The following CDC42BPB variants were observed in gnomAD, a reference collection of about 807,000 sequenced individuals.
CDC42BPB encodes the protein serine/threonine-protein kinase MRCK beta.
A neutral mutation model predicts 214.9 loss-of-function variants in CDC42BPB; 37 were observed. The observed-to-expected ratio is 0.17, with a 90% CI of 0.13 to 0.23. CDC42BPB has a LOEUF of 0.23. CDC42BPB is among the 10% of genes least tolerant of loss of function. CDC42BPB has a pLI of 1.00. For missense variants in CDC42BPB, 1,694 were observed against 2,227.0 expected (o/e 0.76, Z 4.82); for synonymous variants, 931 against 884.0 (o/e 1.05, Z -0.94).
At chr14:102,969,478 C>T (rs1893374637) in intron 14 of CDC42BPB, among the ~76,000 whole-genome samples, 1 of 152,190 alleles carries the variant, frequency 6.6e-6, no homozygotes, top group Admixed American at 6.6e-5. Flanking sequence ...CCTCGGGCAC[C>T]ACATGCCGAG....
At position 102,944,627 on chromosome 14, in the gene CDC42BPB, G is replaced by A. The variant is rs926464053; in HGVS notation, c.3812-140C>T. ...CTTCCTGTGTGCACAGCCTGAGCCC[G>A]GCCCTGAGCCCGTCTCTGCCCACAG... On this transcript the variant is annotated intron_variant, in intron 29 of 36. Coordinates refer to ENST00000361246, the MANE Select transcript of CDC42BPB (RefSeq NM_006035.4). The surrounding 1 kb of genome is among the most constrained non-coding windows in gnomAD (Gnocchi z 6.6). 3.2e-5 allele frequency: 47 copies of A among 1,449,976 alleles called. No homozygotes were observed. Among genetic ancestry groups the A allele is most frequent in the Middle Eastern group, 2.5e-4 (1 of 3,924 alleles). The allele number at this position is 1,449,976 out of a possible 1,614,324, so 89.8% of individuals were successfully genotyped here. A position where few individuals can be genotyped will look rare whatever the true frequency, so the allele number is the denominator to read the frequency against.
chr14:103,035,727 C>T (rs1307832205), intron 1 of CDC42BPB, among the ~76,000 whole-genome samples: 3 of 152,116 alleles, frequency 2.0e-5, no homozygotes, highest in Non-Finnish European at 4.4e-5. Context: ...GTAGTCCCAG[C>T]TGCTCAGGAG....
At chr14:103,021,187 G>A (rs556930144) in intron 1 of CDC42BPB, among the ~76,000 whole-genome samples, 58 of 152,344 alleles carry the variant, frequency 3.8e-4, no homozygotes, top group African/African-American at 1.3e-3. Context: ...GTGGCCGCGT[G>A]CAGTGGCTCA....
At chr14:102,971,171 G>A (rs1392126967) in intron 13 of CDC42BPB, among the ~76,000 whole-genome samples, 1 of 152,194 alleles carries the variant, frequency 6.6e-6, no homozygotes, top group Non-Finnish European at 1.5e-5. Flanking sequence ...AAACAGCCAT[G>A]AGAACTCAAC....
At chr14:102,999,223 G>A (rs1327188337) in intron 5 of CDC42BPB, among the ~76,000 whole-genome samples, 2 of 123,448 alleles carry the variant, frequency 1.6e-5, no homozygotes, top group Non-Finnish European at 3.5e-5. Flanking sequence ...TTGGGCGGTA[G>A]AGACAGAGGA....
intron 23 of CDC42BPB, 106 bp from the exon 24 acceptor site, chr14:102,952,709 A>G (rs1256008393): frequency 2.7e-6 from 4 of 1,496,152 alleles, no homozygotes; most frequent in African/African-American, 2.8e-5. Flanking sequence ...TATCCTGAAA[A>G]GGTGGAAATG....
intron 1 of CDC42BPB, among the ~76,000 whole-genome samples, chr14:103,047,414 C>T (rs890235952): frequency 2.0e-5 from 3 of 152,092 alleles, no homozygotes; most frequent in Non-Finnish European, 4.4e-5. Context: ...ACAAGAGTTC[C>T]CTGAAAGCTT....
At chr14:103,029,282 T>C (rs538802731) in intron 1 of CDC42BPB, among the ~76,000 whole-genome samples, 2 of 152,224 alleles carry the variant, frequency 1.3e-5, no homozygotes, top group South Asian at 4.1e-4. Flanking sequence ...TAAATTACGC[T>C]TGTAATCCCA....
chr14:103,040,701 G>A (rs1053245901), intron 1 of CDC42BPB, among the ~76,000 whole-genome samples: 5 of 151,960 alleles, frequency 3.3e-5, no homozygotes, highest in Admixed American at 2.0e-4. Flanking sequence ...CAGGTGATCC[G>A]CCCACCTCGG....
At chr14:102,957,640 C>CA (rs1341638002) in intron 21 of CDC42BPB, among the ~76,000 whole-genome samples, 1 of 152,216 alleles carries the variant, frequency 6.6e-6, no homozygotes, top group African/African-American at 2.4e-5. Flanking sequence ...ATAAAACAAA[C>CA]AAACATTTTG....
intron 16 of CDC42BPB, 118 bp downstream of exon 16, chr14:102,968,135 C>T (rs1893302902): frequency 3.0e-6 from 2 of 673,060 alleles, no homozygotes; most frequent in Non-Finnish European, 5.0e-6. Context: ...AGAATGACGA[C>T]ATTCTACTCC....
intron 11 of CDC42BPB, chr14:102,974,454 C>T: frequency 1.3e-6 from 1 of 744,508 alleles, no homozygotes; most frequent in Non-Finnish European, 1.6e-6. Context: ...GTCCCTCTAA[C>T]CTGTGTCACC....
rs183087030 is a variant in CDC42BPB at position 103,038,163 on chromosome 14, C to T, written c.175+18836G>A. ...CATCCTGGTCAACATGGCGAAACCC[C>T]GTCTCTACTAAAAATACAAAAATTA... On this transcript the variant is annotated intron_variant, in intron 1 of 36. Transcript: ENST00000361246. 2.7e-3 allele frequency among the ~76,000 whole-genome samples: 414 copies of T among 151,478 alleles called. 3 individuals are homozygous for T. Among genetic ancestry groups the T allele is most frequent in the African/African-American group, 9.8e-3 (406 of 41,300 alleles).
intron 1 of CDC42BPB, among the ~76,000 whole-genome samples, chr14:103,014,755 A>G (rs565963224): frequency 6.6e-6 from 1 of 152,304 alleles, no homozygotes; most frequent in Admixed American, 6.5e-5. Context: ...ATCAGGAAAC[A>G]GAACAAATGA....
At chr14:102,945,459 C>T in intron 29 of CDC42BPB, 1 of 580,844 alleles carries the variant, frequency 1.7e-6, no homozygotes, top group Non-Finnish European at 3.1e-6. Context: ...TCAGTGCTCC[C>T]CTTGAAGAAC....
chr14:103,054,809 CTA>C (rs1400328003), intron 1 of CDC42BPB, among the ~76,000 whole-genome samples: 1 of 152,258 alleles, frequency 6.6e-6, no homozygotes, highest in African/African-American at 2.4e-5. Flanking sequence ...GAAAATATGT[CTA>C]TGTTACAGCA....
At chr14:103,007,433 A>G (rs960869531) in intron 3 of CDC42BPB, among the ~76,000 whole-genome samples, 2 of 152,230 alleles carry the variant, frequency 1.3e-5, no homozygotes, top group African/African-American at 4.8e-5. Flanking sequence ...GGCAACCATC[A>G]TGGGCAGCAC....
intron 3 of CDC42BPB, among the ~76,000 whole-genome samples, chr14:103,007,975 AG>A (rs1478179683): frequency 2.0e-5 from 3 of 152,118 alleles, no homozygotes; most frequent in African/African-American, 7.2e-5. Context: ...GCGGCTGTAG[AG>A]GTGGGGTCAG....
chr14:103,046,316 A>G (rs1888278671), intron 1 of CDC42BPB, among the ~76,000 whole-genome samples: 1 of 152,066 alleles, frequency 6.6e-6, no homozygotes, highest in Non-Finnish European at 1.5e-5. Flanking sequence ...TGGCCCTCAA[A>G]TTGGCAGGGT....
Sources: allele counts gnomAD v4.1 joint callset (sites outside exome capture counted in the v4.1 genomes callset), GRCh38; gene constraint gnomAD v4.1.1; non-coding constraint Gnocchi (gnomAD v3.1); transcripts MANE v1.5; gene names NCBI Gene and HGNC (gene_info 2026-07-23, HGNC 2026-07-21).